BMP6: variants seen among roughly 807,000 people sequenced by gnomAD.
BMP6 encodes the protein VG-1-R.
BMP6 carries 17 observed loss-of-function variants against 54.1 expected under a neutral mutation model. The ratio of observed to expected loss-of-function variants is 0.31; its 90% CI spans 0.22 to 0.47. The LOEUF (loss-of-function observed/expected upper bound fraction) is 0.47, where lower values mean the gene tolerates loss of function less well. Among genes scored for constraint, BMP6 ranks in the 20% least tolerant of loss-of-function variants. The probability of loss-of-function intolerance (pLI) is 1.00; values close to 1 mark genes in which losing one functional copy is unlikely to be tolerated. For synonymous variants in BMP6, 328 were observed against 291.2 expected (o/e 1.13, Z -1.28); for missense variants, 720 against 690.4 (o/e 1.04, Z -0.48).
intron 1 of BMP6, among the ~76,000 whole-genome samples, chr6:7,795,824 G>T (rs1257420183): frequency 6.6e-6 from 1 of 152,114 alleles, no homozygotes; most frequent in Admixed American, 6.5e-5. Flanking sequence ...AGGGAATGAG[G>T]TGTTGAAGGT....
intron 4 of BMP6, among the ~76,000 whole-genome samples, chr6:7,878,146 C>T (rs1238423632): frequency 6.6e-6 from 1 of 152,154 alleles, no homozygotes; most frequent in Non-Finnish European, 1.5e-5. Context: ...TGCCTATGGC[C>T]CTTGCCTGTG....
intron 1 of BMP6, among the ~76,000 whole-genome samples, chr6:7,831,347 G>A (rs1191209946): frequency 6.6e-6 from 1 of 152,150 alleles, no homozygotes; most frequent in Non-Finnish European, 1.5e-5. Flanking sequence ...GTGTAGAGGC[G>A]ATGAAAATGT....
chr6:7,761,876 G>A (rs1757618506), intron 1 of BMP6, among the ~76,000 whole-genome samples: 1 of 152,184 alleles, frequency 6.6e-6, no homozygotes, highest in Admixed American at 6.5e-5. Flanking sequence ...GACAAGGAAT[G>A]TGTCTTACTC....
At chr6:7,764,501 T>C (rs1442335927) in intron 1 of BMP6, among the ~76,000 whole-genome samples, 1 of 152,144 alleles carries the variant, frequency 6.6e-6, no homozygotes, top group Admixed American at 6.5e-5. Flanking sequence ...TTAGGTAATA[T>C]CTATATTGTG....
At chr6:7,784,517 A>AT (rs1757995137) in intron 1 of BMP6, among the ~76,000 whole-genome samples, 1 of 152,216 alleles carries the variant, frequency 6.6e-6, no homozygotes, top group South Asian at 2.1e-4. Context: ...TGTTATTGCA[A>AT]AATAAAGCTT....
At chr6:7,783,437 AT>A (rs1757976786) in intron 1 of BMP6, among the ~76,000 whole-genome samples, 1 of 152,162 alleles carries the variant, frequency 6.6e-6, no homozygotes, top group Admixed American at 6.5e-5. Flanking sequence ...AGTCTTAACT[AT>A]TTTTTATTCC....
intron 1 of BMP6, among the ~76,000 whole-genome samples, chr6:7,741,577 G>A (rs895135779): frequency 1.4e-5 from 2 of 139,128 alleles, no homozygotes; most frequent in Admixed American, 1.5e-4. Flanking sequence ...ACTACTAGGC[G>A]TGTACCACCA....
At chr6:7,804,724 A>G (rs1459823673) in intron 1 of BMP6, among the ~76,000 whole-genome samples, 1 of 152,228 alleles carries the variant, frequency 6.6e-6, no homozygotes, top group Non-Finnish European at 1.5e-5. Flanking sequence ...CGGTCCCTTC[A>G]CATAGCTTCT....
At chr6:7,831,954 A>G (rs1024416803) in intron 1 of BMP6, among the ~76,000 whole-genome samples, 2 of 152,224 alleles carry the variant, frequency 1.3e-5, no homozygotes, top group African/African-American at 4.8e-5. Flanking sequence ...CTTGGGCACC[A>G]TGTACTAAGC....
chr6:7,845,092 C>T (rs371529658), intron 1 of BMP6, 48 bp from the exon 2 acceptor site: 237 of 1,537,988 alleles, frequency 1.5e-4, no homozygotes, highest in East Asian at 6.1e-4. Context: ...GCCCGTGGCA[C>T]TTAGTCAAGT....
chr6:7,738,431 T>G (rs1303020526), intron 1 of BMP6, among the ~76,000 whole-genome samples: 1 of 152,176 alleles, frequency 6.6e-6, no homozygotes, highest in African/African-American at 2.4e-5. Flanking sequence ...AGGGACCCCT[T>G]GGCTCTCCTC....
chr6:7,800,039 CT>C (rs1758246059), intron 1 of BMP6, among the ~76,000 whole-genome samples: 2 of 151,718 alleles, frequency 1.3e-5, no homozygotes, highest in African/African-American at 4.9e-5. Context: ...GATATCTTCT[CT>C]CATCCAAAAG....
chr6:7,742,610 C>T (rs140709235), intron 1 of BMP6, among the ~76,000 whole-genome samples: 11 of 152,230 alleles, frequency 7.2e-5, no homozygotes, highest in South Asian at 2.1e-4. Context: ...ACCCAGGGGG[C>T]GGGTGGTCTC....
At chr6:7,780,838 G>A (rs1256356130) in intron 1 of BMP6, among the ~76,000 whole-genome samples, 1 of 151,760 alleles carries the variant, frequency 6.6e-6, no homozygotes, top group Non-Finnish European at 1.5e-5. Flanking sequence ...AGCCTCCCAA[G>A]TAGCTGGGAC....
intron 4 of BMP6, 59 bp downstream of exon 4, chr6:7,862,557 AG>A: frequency 6.3e-7 from 1 of 1,595,036 alleles, no homozygotes; most frequent in Non-Finnish European, 8.6e-7. Context: ...TGAGAACAAA[AG>A]TTGTGTCCAC....
At chr6:7,821,754 G>A (rs1013436397) in intron 1 of BMP6, among the ~76,000 whole-genome samples, 11 of 152,184 alleles carry the variant, frequency 7.2e-5, no homozygotes, top group Non-Finnish European at 1.5e-4. Flanking sequence ...GTGCACGTAT[G>A]CCACTTTGCA....
At chr6:7,736,263 G>T (rs748377665) in intron 1 of BMP6, among the ~76,000 whole-genome samples, 10 of 152,192 alleles carry the variant, frequency 6.6e-5, no homozygotes, top group Non-Finnish European at 1.3e-4. Context: ...CCTGGCTTGT[G>T]CCCTGTTTGA....
At chr6:7,801,689 T>C (rs1330780310) in intron 1 of BMP6, among the ~76,000 whole-genome samples, 1 of 152,058 alleles carries the variant, frequency 6.6e-6, no homozygotes, top group Admixed American at 6.5e-5. Flanking sequence ...TGTGCCAAAT[T>C]GGGGTGGGTG....
At chr6:7,859,048 C>G (rs527442553) in intron 2 of BMP6, among the ~76,000 whole-genome samples, 1 of 152,138 alleles carries the variant, frequency 6.6e-6, no homozygotes, top group African/African-American at 2.4e-5. Context: ...ATCCACGAAT[C>G]TGCACTGACC....
Sources: allele counts gnomAD v4.1 joint callset (sites outside exome capture counted in the v4.1 genomes callset), GRCh38; gene constraint gnomAD v4.1.1; transcripts MANE v1.5; gene names NCBI Gene and HGNC (gene_info 2026-07-23, HGNC 2026-07-21).